Variants in EXOC4 observed in about 807,000 individuals in gnomAD.
The protein encoded by EXOC4 is exocyst complex component 4.
In EXOC4, 71 loss-of-function variants were observed where a neutral mutation model predicts 107.2. The ratio of observed to expected loss-of-function variants is 0.66; its 90% confidence interval spans 0.55 to 0.81. The LOEUF (loss-of-function observed/expected upper bound fraction) is 0.81. Among genes scored for constraint, EXOC4 ranks in the 30% least tolerant of loss-of-function variants. EXOC4 has a pLI of 0.00. For missense variants in EXOC4, 1,108 were observed against 1,189.6 expected (o/e 0.93, Z 1.01); for synonymous variants, 456 against 441.2 (o/e 1.03, Z -0.42).
intron 10 of EXOC4, among the ~76,000 whole-genome samples, chr7:133,677,595 A>G (rs1794092124): frequency 6.6e-6 from 1 of 152,142 alleles, no homozygotes; most frequent in Admixed American, 6.5e-5. Flanking sequence ...TATACATTTC[A>G]GCTTCCTTCT....
chr7:133,544,187 A>G (rs1290076145), intron 9 of EXOC4, among the ~76,000 whole-genome samples: 1 of 152,076 alleles, frequency 6.6e-6, no homozygotes, highest in Non-Finnish European at 1.5e-5. Flanking sequence ...CCTGAGAAAT[A>G]TATGTTCAAA....
chr7:133,665,527 C>G (rs921313798), intron 10 of EXOC4, among the ~76,000 whole-genome samples: 1 of 152,048 alleles, frequency 6.6e-6, no homozygotes, highest in Non-Finnish European at 1.5e-5. Context: ...TACAAGTTGA[C>G]CATGAACTAT....
intron 17 of EXOC4, among the ~76,000 whole-genome samples, chr7:134,021,722 GAAAA>G (rs60762484): frequency 1.9e-5 from 1 of 53,742 alleles, no homozygotes; most frequent in African/African-American, 8.4e-5. Flanking sequence ...AGTCAAACCA[GAAAA>G]AAAAAAAAAA....
intron 12 of EXOC4, among the ~76,000 whole-genome samples, chr7:133,911,925 A>G (rs1447876038): frequency 6.6e-6 from 1 of 152,240 alleles, no homozygotes; most frequent in Non-Finnish European, 1.5e-5. Context: ...AATCTCCCAC[A>G]GCCAAGATTC....
At position 133,488,839 on chromosome 7, in the gene EXOC4, G is replaced by C. The variant is rs773587881; in HGVS notation, c.1417+8701G>C. On this transcript the variant is annotated intron_variant, in intron 9 of 17. Coordinates refer to ENST00000253861, the MANE Select transcript of EXOC4 (RefSeq NM_021807.4). ...ATGAACTATGCTATACATTGAGTTG[G>C]TTGAATCTCAAAGGTAGTCATATAA... 3.3e-5 allele frequency among the ~76,000 whole-genome samples: 5 copies of C among 151,606 alleles called. No individual in the cohort carries two copies. The South Asian group carries it at 1.0e-3, about 32-fold the overall frequency.
intron 2 of EXOC4, among the ~76,000 whole-genome samples, chr7:133,278,457 G>C (rs1188097108): frequency 3.3e-5 from 5 of 152,182 alleles, no homozygotes; most frequent in Admixed American, 6.5e-5. Context: ...GTTTTAGCTG[G>C]GTTGGCCAGA....
chr7:133,591,297 G>C (rs1218789555), intron 9 of EXOC4, among the ~76,000 whole-genome samples: 1 of 152,086 alleles, frequency 6.6e-6, no homozygotes, highest in Non-Finnish European at 1.5e-5. Context: ...CTCCCAAAGT[G>C]CTGCTGATTA....
At chr7:133,820,214 A>G (rs1182279800) in intron 11 of EXOC4, among the ~76,000 whole-genome samples, 1 of 128,180 alleles carries the variant, frequency 7.8e-6, no homozygotes, top group Admixed American at 8.6e-5. Flanking sequence ...CATTAAAAAA[A>G]TTTATTTTAT....
chr7:133,385,204 T>C (rs538004103), intron 7 of EXOC4, among the ~76,000 whole-genome samples: 1 of 152,348 alleles, frequency 6.6e-6, no homozygotes, highest in Admixed American at 6.5e-5. Context: ...TCACGTCTAC[T>C]GTGTTCTTTT....
intron 11 of EXOC4, among the ~76,000 whole-genome samples, chr7:133,851,423 G>A (rs1353764934): frequency 2.6e-5 from 4 of 152,304 alleles, no homozygotes; most frequent in Admixed American, 6.5e-5. Context: ...AGCTCAACCC[G>A]TCTTCCTGTC....
At chr7:134,060,885 C>G (rs552222142) in intron 17 of EXOC4, among the ~76,000 whole-genome samples, 215 of 152,166 alleles carry the variant, frequency 1.4e-3, no homozygotes, top group African/African-American at 5.2e-3. Flanking sequence ...GAAAATACAC[C>G]ATCAATTACC....
At chr7:133,297,749 A>G (rs1485701903) in intron 3 of EXOC4, among the ~76,000 whole-genome samples, 3 of 152,202 alleles carry the variant, frequency 2.0e-5, no homozygotes, top group South Asian at 2.1e-4. Context: ...AAGAAAATGC[A>G]GGAGTCTGGG....
intron 12 of EXOC4, among the ~76,000 whole-genome samples, chr7:133,914,931 G>T (rs1455396293): frequency 6.6e-6 from 1 of 152,170 alleles, no homozygotes; most frequent in Non-Finnish European, 1.5e-5. Context: ...AAAAATTGTG[G>T]ATTTCTAAAA....
chr7:133,531,891 C>T (rs755155018), intron 9 of EXOC4, among the ~76,000 whole-genome samples: 3 of 151,882 alleles, frequency 2.0e-5, no homozygotes, highest in African/African-American at 4.8e-5. Flanking sequence ...GGACCAGAAG[C>T]GTTTGGGATT....
At chr7:133,655,308 A>G (rs566038854) in intron 10 of EXOC4, among the ~76,000 whole-genome samples, 42 of 152,232 alleles carry the variant, frequency 2.8e-4, no homozygotes, top group Non-Finnish European at 4.3e-4. Context: ...TAGCATATCT[A>G]TCACCCCAAA....
At chr7:133,828,715 A>T (rs912338821) in intron 11 of EXOC4, among the ~76,000 whole-genome samples, 2 of 152,220 alleles carry the variant, frequency 1.3e-5, no homozygotes, top group African/African-American at 4.8e-5. Context: ...TCTTATAACA[A>T]GAGTGACATG....
At chr7:133,528,731 A>T (rs1367751557) in intron 9 of EXOC4, among the ~76,000 whole-genome samples, 1 of 152,224 alleles carries the variant, frequency 6.6e-6, no homozygotes, top group Non-Finnish European at 1.5e-5. Context: ...TCAATTAAAA[A>T]AAAAGTACTC....
At chr7:133,541,841 G>A (rs993759969) in intron 9 of EXOC4, among the ~76,000 whole-genome samples, 33 of 151,968 alleles carry the variant, frequency 2.2e-4, no homozygotes, top group African/African-American at 7.5e-4. Context: ...GGTAATATTG[G>A]GACTAATTTT....
chr7:134,026,781 A>G (rs138133360), intron 17 of EXOC4, among the ~76,000 whole-genome samples: 199 of 152,028 alleles, frequency 1.3e-3, no homozygotes, highest in African/African-American at 4.3e-3. Flanking sequence ...TTTGAACTGT[A>G]CTTTGAAAAA....
Sources: allele counts gnomAD v4.1 joint callset (sites outside exome capture counted in the v4.1 genomes callset), GRCh38; gene constraint gnomAD v4.1.1; transcripts MANE v1.5; gene names NCBI Gene and HGNC (gene_info 2026-07-23, HGNC 2026-07-21).